The following PRMT8 variants were observed in gnomAD, a reference collection of about 807,000 sequenced individuals.
PRMT8 encodes the protein protein arginine methyltransferase 8.
In PRMT8, 7 loss-of-function variants were observed where a neutral mutation model predicts 47.1. The ratio of observed to expected loss-of-function variants is 0.15; its 90% confidence interval spans 0.08 to 0.28. The LOEUF (loss-of-function observed/expected upper bound fraction) is 0.28. Among genes scored for constraint, PRMT8 ranks in the 10% least tolerant of loss-of-function variants. The probability of loss-of-function intolerance (pLI) is 1.00; values close to 1 mark genes in which losing one functional copy is unlikely to be tolerated. For missense variants in PRMT8, 237 were observed against 505.4 expected (o/e 0.47, Z 5.09); for synonymous variants, 188 against 186.5 (o/e 1.01, Z -0.07).
At position 3,583,210 on chromosome 12, in the gene PRMT8, T is replaced by C; in HGVS notation, c.979+2T>C. On this transcript the variant is annotated splice_donor_variant, in intron 8 of 9. Transcript: ENST00000382622. LOFTEE classifies it high-confidence loss of function. The surrounding 1 kb of genome is among the most constrained non-coding windows in gnomAD (Gnocchi z 4.7). ...ACAAGAAAATGGGGTTTTCCACAGG[T>C]GAGCTGTTTGTTGCTTCCCAGAGCC... The C allele has an allele frequency of 6.2e-7, 1 of 1,608,894 alleles. No individual in the cohort carries two copies. Among genetic ancestry groups the C allele is most frequent in the Non-Finnish European group, 8.5e-7 (1 of 1,177,398 alleles).
intron 7 of PRMT8, among the ~76,000 whole-genome samples, chr12:3,577,810 G>C (rs906388674): frequency 6.6e-5 from 10 of 152,158 alleles, no homozygotes; most frequent in Non-Finnish European, 1.3e-4. Context: ...TTTGCCCGAG[G>C]CTTCCTTCAG....
rs1485920506 is a variant in PRMT8 at position 3,492,903 on chromosome 12, C to CG, written c.75+1209dup. On this transcript the variant is annotated intron_variant, in intron 1 of 9. Coordinates refer to ENST00000382622, the MANE Select transcript of PRMT8 (RefSeq NM_019854.5). The surrounding 1 kb of genome is among the most constrained non-coding windows in gnomAD (Gnocchi z 7.5). ...TTCACATATGGTTACCCATATGCAG[C>CG]GGGGGGCGGGGATGGGGGTGTGGCG... 2.0e-5 allele frequency among the ~76,000 whole-genome samples: 3 copies of CG among 147,100 alleles called. No homozygotes were observed. The highest frequency in any genetic ancestry group is 3.0e-5 in the Non-Finnish European group (2 of 66,660).
intron 1 of PRMT8, among the ~76,000 whole-genome samples, chr12:3,513,039 G>A (rs1305226613): frequency 6.6e-6 from 1 of 152,090 alleles, no homozygotes; most frequent in Non-Finnish European, 1.5e-5. Flanking sequence ...GACTATTTTT[G>A]TCCCTGAGAG....
intron 1 of PRMT8, among the ~76,000 whole-genome samples, chr12:3,537,536 A>T (rs1487022866): frequency 6.6e-6 from 1 of 152,152 alleles, no homozygotes; most frequent in African/African-American, 2.4e-5. Flanking sequence ...CTTGCTAGAC[A>T]TCTTCTCTTA....
At chr12:3,559,885 A>G (rs909706287) in intron 4 of PRMT8, among the ~76,000 whole-genome samples, 1 of 152,146 alleles carries the variant, frequency 6.6e-6, no homozygotes, top group Admixed American at 6.5e-5. Flanking sequence ...TGGCTTTAGC[A>G]TGGAATCGTT....
At chr12:3,494,869 A>G (rs1164061511) in intron 1 of PRMT8, among the ~76,000 whole-genome samples, 1 of 152,154 alleles carries the variant, frequency 6.6e-6, no homozygotes, top group African/African-American at 2.4e-5. Context: ...GATTCTCCTC[A>G]TGGAATAGGG....
chr12:3,428,227 T>G (rs1864627747), intron 1 of PRMT8, among the ~76,000 whole-genome samples: 2 of 151,442 alleles, frequency 1.3e-5, no homozygotes, highest in African/African-American at 4.9e-5. Context: ...CTAATGTTAT[T>G]AAATCATCTT....
At chr12:3,460,487 G>C (rs1300142987) in intron 1 of PRMT8, among the ~76,000 whole-genome samples, 2 of 152,172 alleles carry the variant, frequency 1.3e-5, no homozygotes, top group Non-Finnish European at 2.9e-5. Context: ...GCCTAGTTTT[G>C]TGATTGTTTT....
At chr12:3,589,043 G>C (rs1867241342) in intron 8 of PRMT8, among the ~76,000 whole-genome samples, 1 of 152,220 alleles carries the variant, frequency 6.6e-6, no homozygotes, top group Non-Finnish European at 1.5e-5. Context: ...TTGCAGACCA[G>C]AGCCATAGTT....
At position 3,456,188 on chromosome 12, in the gene PRMT8, C is replaced by T. The variant is rs1031495133; in HGVS notation, c.48+74746C>T. On this transcript the variant is annotated intron_variant, in intron 1 of 9. Coordinates refer to the PRMT8 transcript ENST00000452611. The surrounding 1 kb of genome is among the most constrained non-coding windows in gnomAD (Gnocchi z 4.2). ...CATTTCCGATGACCACATCCAAGTA[C>T]GCCAGCGCTGGCACACCAAGCGCCA... 2.0e-5 allele frequency among the ~76,000 whole-genome samples: 3 copies of T among 152,182 alleles called. No homozygotes were observed. The highest frequency in any genetic ancestry group is 4.4e-5 in the Non-Finnish European group (3 of 68,030).
chr12:3,569,138 A>G lies in PRMT8; in HGVS notation c.624+290A>G, dbSNP rs140733159. Among the ~76,000 whole-genome samples the G allele has an allele frequency of 2.2e-4, 34 of 152,298 alleles. 1 individual carries two copies. The East Asian group carries it at 5.8e-3, about 26-fold the overall frequency. On this transcript the variant is annotated intron_variant, in intron 5 of 9. Coordinates refer to ENST00000382622, the MANE Select transcript of PRMT8 (RefSeq NM_019854.5). This position sits in a 1 kb window ranked among gnomAD's most constrained non-coding sequence, Gnocchi z 8.2. ...AGTTAAAGGTCCGTTTCGGTCAGCA[A>G]GTACTTAGGACTTGCATGGCTGCCA...
intron 7 of PRMT8, among the ~76,000 whole-genome samples, chr12:3,577,763 G>A (rs763836783): frequency 6.6e-6 from 1 of 152,000 alleles, no homozygotes; most frequent in Non-Finnish European, 1.5e-5. Context: ...TGTGACCCAC[G>A]GTAGCCAAAA....
At chr12:3,567,196 G>A (rs1213375056) in intron 4 of PRMT8, among the ~76,000 whole-genome samples, 1 of 152,168 alleles carries the variant, frequency 6.6e-6, no homozygotes, top group South Asian at 2.1e-4. Context: ...TATGGGCCTG[G>A]CACTCCACAT....
At position 3,572,494 on chromosome 12, in the gene PRMT8, A is replaced by G. The variant is rs1866864599; in HGVS notation, c.712+2930A>G. ...GGGCACCAGTTTCTTGGCTGATGAG[A>G]AGACTGAAAGAAAGACCTCATGCAG... On this transcript the variant is annotated intron_variant, in intron 6 of 9. Transcript: ENST00000382622. This position sits in a 1 kb window ranked among gnomAD's most constrained non-coding sequence, Gnocchi z 5.9. Among the ~76,000 whole-genome samples the G allele has an allele frequency of 6.6e-6, 1 of 152,188 alleles. No homozygotes were observed. Among genetic ancestry groups the G allele is most frequent in the African/African-American group, 2.4e-5 (1 of 41,448 alleles).
At chr12:3,473,804 C>T (rs528252947) in intron 1 of PRMT8, among the ~76,000 whole-genome samples, 26 of 152,310 alleles carry the variant, frequency 1.7e-4, no homozygotes, top group African/African-American at 4.6e-4. Flanking sequence ...GCCCCAGCCC[C>T]GCCTTAGTTT....
At chr12:3,430,520 CTAAGA>C (rs2137067791) in intron 1 of PRMT8, among the ~76,000 whole-genome samples, 1 of 152,252 alleles carries the variant, frequency 6.6e-6, no homozygotes, top group South Asian at 2.1e-4. Flanking sequence ...TGGTGATTAA[CTAAGA>C]TAACATTTAA....
rs1866685149 is a variant in PRMT8, at chr12:3,564,388, C to T, written c.482-4318C>T. ...GGAGGCTCAAATGAGGTTGAGCTGG[C>T]CTGATTTGTTTAAAAACAAAAATGA... On this transcript the variant is annotated intron_variant, in intron 4 of 9. Coordinates refer to ENST00000382622, the MANE Select transcript of PRMT8 (RefSeq NM_019854.5). The surrounding 1 kb of genome is among the most constrained non-coding windows in gnomAD (Gnocchi z 4.0). Among the ~76,000 whole-genome samples the T allele has an allele frequency of 6.6e-6, 1 of 152,088 alleles. No homozygotes were observed. Among genetic ancestry groups the T allele is most frequent in the South Asian group, 2.1e-4 (1 of 4,822 alleles).
chr12:3,458,077 G>A (rs535874684), intron 1 of PRMT8, among the ~76,000 whole-genome samples: 4 of 152,014 alleles, frequency 2.6e-5, no homozygotes, highest in African/African-American at 7.2e-5. Context: ...TCTTGACCTC[G>A]TGATCCGCCC....
At chr12:3,548,574 G>GA (rs35825350) in intron 2 of PRMT8, among the ~76,000 whole-genome samples, 18,410 of 151,744 alleles carry the variant, frequency 0.12, 1,267 homozygotes, top group Non-Finnish European at 0.16. Context: ...ATAAGCACAT[G>GA]AAAAAAAAGA....
Sources: allele counts gnomAD v4.1 joint callset (sites outside exome capture counted in the v4.1 genomes callset), GRCh38; gene constraint gnomAD v4.1.1; non-coding constraint Gnocchi (gnomAD v3.1); transcripts MANE v1.5; gene names NCBI Gene and HGNC (gene_info 2026-07-23, HGNC 2026-07-21).